The following DCC variants were observed in gnomAD, a reference collection of about 807,000 sequenced individuals.
DCC encodes DCC netrin 1 receptor.
DCC carries 58 observed loss-of-function variants against 172.5 expected under a neutral mutation model. The ratio of observed to expected loss-of-function variants is 0.34; its 90% CI spans 0.27 to 0.42. The LOEUF (loss-of-function observed/expected upper bound fraction) is 0.42, where lower values mean the gene tolerates loss of function less well. Among genes scored for constraint, DCC ranks in the 10% least tolerant of loss-of-function variants. The probability of loss-of-function intolerance (pLI) is 1.00; values close to 1 mark genes in which losing one functional copy is unlikely to be tolerated. For missense variants in DCC, 1,740 were observed against 1,791.0 expected, an observed-to-expected ratio of 0.97 and a Z score of 0.51; for synonymous variants, 709 against 644.5, an observed-to-expected ratio of 1.10 and a Z score of -1.52.
At chr18:53,403,014 C>A (rs1359826873) in intron 19 of DCC, 121 bp downstream of exon 19, 2 of 768,842 alleles carry the variant, frequency 2.6e-6, no homozygotes, top group Non-Finnish European at 4.7e-6. Context: ...TCAGCTGACT[C>A]CATGACCCTT....
chr18:53,455,154 C>A (rs1414335615), intron 23 of DCC, among the ~76,000 whole-genome samples: 1 of 152,104 alleles, frequency 6.6e-6, no homozygotes, highest in Non-Finnish European at 1.5e-5. Context: ...TGAAGACTTC[C>A]CCCAAACCCC....
intron 1 of DCC, among the ~76,000 whole-genome samples, chr18:52,564,030 T>A (rs1467737001): frequency 6.6e-6 from 1 of 152,188 alleles, no homozygotes. Context: ...TTGCTGGTTG[T>A]TACATTTCAT....
chr18:53,283,800 C>T (rs1321633996), intron 12 of DCC, among the ~76,000 whole-genome samples: 1 of 152,174 alleles, frequency 6.6e-6, no homozygotes, highest in Non-Finnish European at 1.5e-5. Flanking sequence ...TTGTCATTTA[C>T]TCAAATTTTC....
chr18:52,681,242 T>A (rs1199323274), intron 1 of DCC, among the ~76,000 whole-genome samples: 2 of 152,040 alleles, frequency 1.3e-5, no homozygotes, highest in African/African-American at 4.8e-5. Flanking sequence ...CAGGTCAGTC[T>A]CTCCTCCAAA....
chr18:52,610,173 AAAAAAATATATATATATATATAT>A (rs1177879198), intron 1 of DCC, among the ~76,000 whole-genome samples: 4 of 22,606 alleles, frequency 1.8e-4, no homozygotes, highest in African/African-American at 5.6e-4. Context: ...AAAAAAAAAA[AAAAAAATATATATATATATATAT>A]ATATATATAT....
intron 1 of DCC, among the ~76,000 whole-genome samples, chr18:52,386,085 G>T (rs1985787991): frequency 6.6e-6 from 1 of 152,024 alleles, no homozygotes; most frequent in Non-Finnish European, 1.5e-5. Context: ...CTAGCATAAG[G>T]TCAGAACTCA....
chr18:52,421,214 A>G (rs1486924632), intron 1 of DCC, among the ~76,000 whole-genome samples: 1 of 152,182 alleles, frequency 6.6e-6, no homozygotes, highest in African/African-American at 2.4e-5. Context: ...AGCCCATAAA[A>G]GAGACAAGAA....
chr18:52,431,466 T>G (rs1180098966), intron 1 of DCC, among the ~76,000 whole-genome samples: 1 of 152,120 alleles, frequency 6.6e-6, no homozygotes, highest in Non-Finnish European at 1.5e-5. Flanking sequence ...TGCCACGGAC[T>G]GTGCTAAGTG....
rs959518906 is a variant in DCC, at chr18:52,886,042, C to T, written c.413-20002C>T. On this transcript the variant is annotated intron_variant, in intron 2 of 28. Transcript: ENST00000442544. ...GATATCCAAGATGCAAGACAAAGTC[C>T]TCTTTCCTCTTCTCTCTCCTCACCT... is the stretch of plus-strand genomic sequence containing the variant. Among the ~76,000 whole-genome samples, 49 of 151,880 alleles carry T rather than the reference C, an allele frequency of 3.2e-4. 1 individual carries two copies. The highest frequency in any genetic ancestry group is 4.9e-4 in the Non-Finnish European group (33 of 67,976).
intron 23 of DCC, among the ~76,000 whole-genome samples, chr18:53,456,522 T>G (rs919899368): frequency 4.6e-5 from 7 of 152,116 alleles, no homozygotes; most frequent in Non-Finnish European, 7.4e-5. Flanking sequence ...AAAACTAGCT[T>G]TAAAATACAA....
At chr18:53,478,065 G>T (rs892677937) in intron 25 of DCC, among the ~76,000 whole-genome samples, 2 of 152,208 alleles carry the variant, frequency 1.3e-5, no homozygotes, top group African/African-American at 4.8e-5. Flanking sequence ...CACCAGTGAG[G>T]GTGAAGGATA....
At chr18:53,272,325 G>C (rs980929376) in intron 12 of DCC, among the ~76,000 whole-genome samples, 13 of 152,022 alleles carry the variant, frequency 8.6e-5, no homozygotes, top group African/African-American at 3.1e-4. Context: ...AAATATTTGA[G>C]AAAACAACAG....
intron 2 of DCC, among the ~76,000 whole-genome samples, chr18:52,791,483 GT>G (rs1396206234): frequency 1.5e-5 from 2 of 135,878 alleles, no homozygotes; most frequent in African/African-American, 5.3e-5. Flanking sequence ...TTTTTTTTTT[GT>G]TTTTTTCCTA....
At chr18:53,327,735 G>A (rs527908030) in intron 14 of DCC, among the ~76,000 whole-genome samples, 23 of 152,274 alleles carry the variant, frequency 1.5e-4, no homozygotes, top group African/African-American at 5.5e-4. Flanking sequence ...TAAGGAGTGC[G>A]ATTTACACCA....
rs190671735 is a variant in DCC at position 52,917,984 on chromosome 18, C to G, written c.698-5723C>G. ...CAAAATTTGACATTAGAAAAAAATC[C>G]ATTTTTTTCTGCTGGCTTGAATAAA... On this transcript the variant is annotated intron_variant, in intron 3 of 28. Coordinates refer to ENST00000442544, the MANE Select transcript of DCC (RefSeq NM_005215.4). Among the ~76,000 whole-genome samples, 55 of 127,564 alleles carry G rather than the reference C, an allele frequency of 4.3e-4. No homozygotes were observed. In the East Asian group the frequency reaches 9.2e-3, roughly 21 times the overall value. The allele number at this position is 127,564 out of a possible 152,430, so 83.7% of individuals were successfully genotyped here. A position where few individuals can be genotyped will look rare whatever the true frequency, so the allele number is the denominator to read the frequency against.
At chr18:53,377,977 T>C (rs968791588) in intron 15 of DCC, among the ~76,000 whole-genome samples, 1 of 152,192 alleles carries the variant, frequency 6.6e-6, no homozygotes, top group Non-Finnish European at 1.5e-5. Flanking sequence ...TTAATTAATT[T>C]ATTTTTTTAA....
intron 1 of DCC, among the ~76,000 whole-genome samples, chr18:52,593,677 G>A (rs780166007): frequency 6.6e-6 from 1 of 152,134 alleles, no homozygotes; most frequent in Non-Finnish European, 1.5e-5. Flanking sequence ...ATCGATATTT[G>A]GTGCTGGACA....
At chr18:53,444,548 G>T (rs779620163) in intron 22 of DCC, among the ~76,000 whole-genome samples, 2 of 152,114 alleles carry the variant, frequency 1.3e-5, no homozygotes, top group Non-Finnish European at 2.9e-5. Flanking sequence ...CCACCCTTCA[G>T]CAATTCCCAA....
At chr18:52,953,527 A>G (rs1265834402) in intron 5 of DCC, among the ~76,000 whole-genome samples, 1 of 152,076 alleles carries the variant, frequency 6.6e-6, no homozygotes, top group African/African-American at 2.4e-5. Context: ...GTCCCTACCC[A>G]CTGAGTCATT....
Sources: allele counts gnomAD v4.1 joint callset (sites outside exome capture counted in the v4.1 genomes callset), GRCh38; gene constraint gnomAD v4.1.1; transcripts MANE v1.5; gene names NCBI Gene and HGNC (gene_info 2026-07-23, HGNC 2026-07-21).